The following RGMB variants were observed in gnomAD, a reference collection of about 807,000 sequenced individuals.
RGMB encodes repulsive guidance molecule BMP co-receptor b.
In RGMB, 16 loss-of-function variants were observed where a neutral mutation model predicts 26.9. That is an observed-to-expected ratio of 0.60 (90% CI 0.40 to 0.90). RGMB has a LOEUF of 0.90. Among genes scored for constraint, RGMB ranks in the 40% least tolerant of loss-of-function variants. The probability of loss-of-function intolerance (pLI) is 0.00; values close to 1 mark genes in which losing one functional copy is unlikely to be tolerated. For missense variants in RGMB, 512 were observed against 573.3 expected (o/e 0.89, Z 1.09); for synonymous variants, 225 against 229.3 (o/e 0.98, Z 0.17).
In RGMB at chr5:98,774,154, G is replaced by C; in HGVS notation, c.84G>C (p.Pro28=). 6.7e-7 allele frequency: 1 copy of C among 1,497,520 alleles called. No individual in the cohort carries two copies. The highest frequency in any genetic ancestry group is 2.1e-5 in the Admixed American group (1 of 47,304). The allele number at this position is 1,497,520 out of a possible 1,614,324, so 92.8% of individuals were successfully genotyped here. ...GCCGCAGCCCCGGGCTCTGCCCCCC[G>C]CCGCTGGAGCTGCTGCTGCTGCTGC... ...EQRRSPGLCP[P]PLELLLLLLF... Residue 28 remains proline, a synonymous_variant, in exon 1 of 3, where the codon CCG becomes CCC. Coordinates refer to ENST00000513185, the MANE Select transcript of RGMB (RefSeq NM_001366508.1).
At chr5:98,770,989 A>G (rs561287174), upstream of RGMB, 4 of 311,612 alleles carry the variant, frequency 1.3e-5, no homozygotes, top group South Asian at 6.4e-4. Flanking sequence ...CTCCTGTTAG[A>G]TTTCTGGAAA....
chr5:98,774,606 G>A (rs1229573555), intron 1 of RGMB, among the ~76,000 whole-genome samples: 1 of 152,244 alleles, frequency 6.6e-6, no homozygotes, highest in African/African-American at 2.4e-5. Flanking sequence ...CCGCCTCGGA[G>A]GGAGACAAGG....
chr5:98,778,808 A>C (rs540057689), intron 1 of RGMB, among the ~76,000 whole-genome samples: 10 of 152,158 alleles, frequency 6.6e-5, no homozygotes, highest in African/African-American at 2.4e-4. Flanking sequence ...GTTTTTATTT[A>C]GTGTGCTTTT....
intron 2 of RGMB, among the ~76,000 whole-genome samples, chr5:98,783,513 C>T (rs1414917929): frequency 6.6e-6 from 1 of 152,192 alleles, no homozygotes; most frequent in African/African-American, 2.4e-5. Context: ...TGTCCTGTGC[C>T]TCACACACTC....
intron 1 of RGMB, among the ~76,000 whole-genome samples, chr5:98,777,339 G>A (rs570902358): frequency 7.5e-4 from 114 of 152,236 alleles, no homozygotes; most frequent in Non-Finnish European, 1.2e-3. Flanking sequence ...TCATTTATCC[G>A]TAGTCTTAAG....
chr5:98,782,035 G>C (rs1464898138), intron 2 of RGMB, among the ~76,000 whole-genome samples: 1 of 152,218 alleles, frequency 6.6e-6, no homozygotes, highest in Non-Finnish European at 1.5e-5. Context: ...ATAAATTCAA[G>C]TAGATGATGA....
intron 1 of RGMB, among the ~76,000 whole-genome samples, chr5:98,778,724 A>G (rs1746495791): frequency 6.6e-6 from 1 of 152,206 alleles, no homozygotes. Context: ...GGTAAAAAGC[A>G]TCATTTGGAA....
rs981874251 is a variant in RGMB at position 98,795,221 on chromosome 5, T to C, written c.*1468T>C. 2 of 152,212 alleles carry C rather than the reference T, an allele frequency of 1.3e-5. No individual in the cohort carries two copies. The highest frequency in any genetic ancestry group is 1.3e-4 in the Admixed American group (2 of 15,282). The allele number at this position is 152,212 out of a possible 1,614,324, so 9.4% of individuals were successfully genotyped here. A position where few individuals can be genotyped will look rare whatever the true frequency, so the allele number is the denominator to read the frequency against. On this transcript the variant is annotated 3_prime_UTR_variant, in exon 3 of 3. Transcript: ENST00000513185. Reference sequence around the variant, plus strand: ...TTCTATTGTTATAGCTAGATGTAAATCTTTAGTTCCAAGAAGTGATAGAGT... The same window carrying C: ...TTCTATTGTTATAGCTAGATGTAAACCTTTAGTTCCAAGAAGTGATAGAGT...
rs1747112482 is a variant in RGMB, at chr5:98,796,123, A to AT, written c.*2373dup. 1 of 152,046 alleles carries AT rather than the reference A, an allele frequency of 6.6e-6. No homozygotes were observed. The highest frequency in any genetic ancestry group is 6.6e-5 in the Admixed American group (1 of 15,254). The allele number at this position is 152,046 out of a possible 1,614,324, so 9.4% of individuals were successfully genotyped here. ...CAGGTTTATTTTCTCCTTTTTTGAGATTTCTAGAAAAAATGCTGCTTGCAC... is the reference window on the plus strand; with the variant it reads ...CAGGTTTATTTTCTCCTTTTTTGAGATTTTCTAGAAAAAATGCTGCTTGCAC... On this transcript the variant is annotated 3_prime_UTR_variant, in exon 3 of 3. Coordinates refer to ENST00000513185, the MANE Select transcript of RGMB (RefSeq NM_001366508.1).
At position 98,794,614 on chromosome 5, in the gene RGMB, A is replaced by G. The variant is rs1747057893; in HGVS notation, c.*861A>G. On this transcript the variant is annotated 3_prime_UTR_variant, in exon 3 of 3. Transcript: ENST00000513185. ...TAAAACATGAAACTATAAATTTAGT[A>G]ATTATCATGCCTTGCTCTTTTTAAT... 1 of 152,176 alleles carries G rather than the reference A, an allele frequency of 6.6e-6. No individual in the cohort carries two copies. The highest frequency in any genetic ancestry group is 6.5e-5 in the Admixed American group (1 of 15,290). 9.4% of individuals were successfully genotyped at this position (152,176 alleles called of 1,614,324 possible).
chr5:98,788,138 TC>T (rs1429212524), intron 2 of RGMB, among the ~76,000 whole-genome samples: 1 of 152,236 alleles, frequency 6.6e-6, no homozygotes, highest in African/African-American at 2.4e-5. Context: ...AACTGATACC[TC>T]TTTTTAAGGT....
chr5:98,773,211 AGGGCCAGGGCAGG>A (rs541576513), upstream of RGMB: 482 of 152,308 alleles, frequency 3.2e-3, 2 homozygotes, highest in African/African-American at 0.011. Context: ...TGAAGCTGGC[AGGGCCAGGGCAGG>A]GAGGGGTAAT....
intron 2 of RGMB, among the ~76,000 whole-genome samples, chr5:98,781,546 A>G (rs1256271381): frequency 2.0e-5 from 3 of 152,246 alleles, no homozygotes; most frequent in African/African-American, 4.8e-5. Context: ...CTGCAGAGTC[A>G]TATGGCACAT....
intron 1 of RGMB, among the ~76,000 whole-genome samples, chr5:98,777,244 T>C (rs933858412): frequency 6.6e-6 from 1 of 152,172 alleles, no homozygotes; most frequent in Non-Finnish European, 1.5e-5. Context: ...GAAATAATTA[T>C]AAAGAAACGT....
intron 2 of RGMB, among the ~76,000 whole-genome samples, chr5:98,791,960 T>C (rs1746943171): frequency 6.6e-6 from 1 of 152,202 alleles, no homozygotes; most frequent in South Asian, 2.1e-4. Flanking sequence ...ATGTGCTTAG[T>C]TTGGAGAATC....
Position 98,779,610 on chromosome 5 carries a change from T to C in RGMB, c.167T>C (p.Ile56Thr). Residue 56 changes from isoleucine (I) to threonine (T), a missense_variant, in exon 2 of 3, where the codon ATC (isoleucine) becomes ACC (threonine). Physicochemically the swap from Ile to Thr is moderately conservative, Grantham distance 89. Transcript: ENST00000513185. The part of the protein sequence containing the change: ...GDCQQPAQCR[I>T]QKCTTDFVSL... ...TGCCAACAGCCAGCCCAATGTCGAATCCAGAAATGCACCACGGACTTCGTG... is the reference window on the plus strand; with the variant it reads ...TGCCAACAGCCAGCCCAATGTCGAACCCAGAAATGCACCACGGACTTCGTG... The C allele has an allele frequency of 6.6e-7, 1 of 1,521,846 alleles. No individual in the cohort carries two copies. The highest frequency in any genetic ancestry group is 8.8e-7 in the Non-Finnish European group (1 of 1,133,902). The allele number at this position is 1,521,846 out of a possible 1,614,324, so 94.3% of individuals were successfully genotyped here.
rs1376453205 is a variant in RGMB, at chr5:98,773,931, C to T, written c.-140C>T. 5.3e-6 allele frequency: 3 copies of T among 567,132 alleles called. No individual in the cohort carries two copies. Among genetic ancestry groups the T allele is most frequent in the South Asian group, 4.3e-5 (2 of 46,128 alleles). 35.1% of individuals were successfully genotyped at this position (567,132 alleles called of 1,614,324 possible). On this transcript the variant is annotated 5_prime_UTR_variant, in exon 1 of 3. Transcript: ENST00000513185. Reference sequence around the variant, plus strand: ...GCTTGCTGCGGCGGTGGTGGCGCCCCATCTGCTACACGGGCCTGAAGAAGG... The same window carrying T: ...GCTTGCTGCGGCGGTGGTGGCGCCCTATCTGCTACACGGGCCTGAAGAAGG...
intron 2 of RGMB, among the ~76,000 whole-genome samples, chr5:98,792,222 T>C (rs1202754719): frequency 6.6e-6 from 1 of 152,182 alleles, no homozygotes; most frequent in African/African-American, 2.4e-5. Flanking sequence ...TCTTTCTCTC[T>C]GTATTTCGAG....
intron 1 of RGMB, among the ~76,000 whole-genome samples, chr5:98,775,271 T>TG (rs923868137): frequency 5.9e-5 from 9 of 152,022 alleles, no homozygotes; most frequent in East Asian, 1.9e-4. Context: ...TTTTAAGTAA[T>TG]GGGGGGGAAA....
Sources: gnomAD v4.1 joint callset for allele counts (sites outside exome capture counted in the v4.1 genomes callset) on GRCh38, gnomAD v4.1.1 for gene constraint, MANE v1.5 for transcripts, NCBI Gene and HGNC (gene_info 2026-07-23, HGNC 2026-07-21) for gene names.